Variants in CFAP96 observed in about 807,000 individuals in gnomAD.
CFAP96 encodes the protein cilia and flagella associated protein 96, also known as cilia-and flagella-associated protein 96.
the CFAP96 span, among the ~76,000 whole-genome samples, chr4:185,425,222 T>C: frequency 2.9e-3 from 445 of 152,216 alleles, 3 homozygotes; most frequent in South Asian, 7.3e-3. Flanking sequence ...TGTATGGTGG[T>C]GCCATCTACA....
chr4:185,434,795 G>A, the CFAP96 span, among the ~76,000 whole-genome samples: 1 of 152,080 alleles, frequency 6.6e-6, no homozygotes, highest in Admixed American at 6.5e-5. Context: ...CTGGAGTGCA[G>A]TGGCGCGATC....
At chr4:185,410,806 C>T in the CFAP96 span, among the ~76,000 whole-genome samples, 1 of 151,306 alleles carries the variant, frequency 6.6e-6, no homozygotes, top group Non-Finnish European at 1.5e-5. Context: ...ATGAGCTAGG[C>T]GTGGTAGCAC....
chr4:185,427,716 C>T, the CFAP96 span, among the ~76,000 whole-genome samples: 1 of 150,364 alleles, frequency 6.7e-6, no homozygotes, highest in South Asian at 2.1e-4. Flanking sequence ...GCTGAGATAG[C>T]GCCTCTGCAT....
chr4:185,418,461 CCTT>C, the CFAP96 span: 4 of 1,609,492 alleles, frequency 2.5e-6, no homozygotes, highest in African/African-American at 2.7e-5. Context: ...AACTTTTTGT[CCTT>C]CTTTCTCATG....
the CFAP96 span, chr4:185,431,917 T>C: frequency 3.9e-6 from 5 of 1,282,440 alleles, no homozygotes; most frequent in South Asian, 7.1e-5. Context: ...ATTGTTATCT[T>C]ATTTTTCATG....
At chr4:185,425,216 T>C in the CFAP96 span, among the ~76,000 whole-genome samples, 147 of 152,236 alleles carry the variant, frequency 9.7e-4, 2 homozygotes, top group Middle Eastern at 3.4e-3. Context: ...ACAGGATGTA[T>C]GGTGGTGCCA....
At chr4:185,446,121 G>A in the CFAP96 span, among the ~76,000 whole-genome samples, 130 of 152,256 alleles carry the variant, frequency 8.5e-4, 1 homozygote, top group African/African-American at 3.0e-3. Flanking sequence ...GATTACAGGT[G>A]TGAGCCACTG....
At chr4:185,435,362 G>A in the CFAP96 span, among the ~76,000 whole-genome samples, 2 of 152,128 alleles carry the variant, frequency 1.3e-5, no homozygotes, top group Non-Finnish European at 2.9e-5. Flanking sequence ...CATGTGTCTT[G>A]TAGACCTTTT....
chr4:185,444,528 A>C, the CFAP96 span, among the ~76,000 whole-genome samples: 2 of 152,060 alleles, frequency 1.3e-5, no homozygotes, highest in African/African-American at 4.8e-5. Context: ...TCTTTGTGCT[A>C]TTGCTTATTA....
chr4:185,416,700 C>T, the CFAP96 span, among the ~76,000 whole-genome samples: 1 of 152,132 alleles, frequency 6.6e-6, no homozygotes, highest in Non-Finnish European at 1.5e-5. Flanking sequence ...CATGTTGCAC[C>T]TGGAACATCT....
the CFAP96 span, among the ~76,000 whole-genome samples, chr4:185,419,483 TG>T: frequency 1.3e-5 from 2 of 152,228 alleles, no homozygotes; most frequent in Non-Finnish European, 2.9e-5. Context: ...GTGGGGGTGC[TG>T]GAACACAATA....
the CFAP96 span, among the ~76,000 whole-genome samples, chr4:185,445,897 A>G: frequency 6.6e-6 from 1 of 152,292 alleles, no homozygotes; most frequent in East Asian, 1.9e-4. Context: ...GCTGGGGTAC[A>G]ATGGCGTGAT....
the CFAP96 span, among the ~76,000 whole-genome samples, chr4:185,422,324 T>G: frequency 9.9e-5 from 15 of 152,258 alleles, no homozygotes; most frequent in Non-Finnish European, 2.1e-4. Flanking sequence ...GTGGGTGTGC[T>G]GGAACACAGT....
the CFAP96 span, among the ~76,000 whole-genome samples, chr4:185,430,303 C>A: frequency 6.6e-6 from 1 of 151,972 alleles, no homozygotes; most frequent in Admixed American, 6.6e-5. Flanking sequence ...CATAATAATA[C>A]AAAATAAAAC....
At chr4:185,431,277 G>A in the CFAP96 span, among the ~76,000 whole-genome samples, 1 of 150,610 alleles carries the variant, frequency 6.6e-6, no homozygotes, top group Non-Finnish European at 1.5e-5. Context: ...ATTAAGGATT[G>A]TGTGCACTTC....
the CFAP96 span, among the ~76,000 whole-genome samples, chr4:185,443,340 ATAT>A: frequency 7.0e-4 from 20 of 28,478 alleles, no homozygotes; most frequent in African/African-American, 1.7e-3. Flanking sequence ...ATATATATAT[ATAT>A]TTTTTTTTTT....
At chr4:185,415,184 G>T in the CFAP96 span, 6 of 1,601,978 alleles carry the variant, frequency 3.7e-6, no homozygotes, top group African/African-American at 5.4e-5. Flanking sequence ...TGGCCATCTG[G>T]TATTCCTGAA....
chr4:185,429,994 G>A, the CFAP96 span, among the ~76,000 whole-genome samples: 1 of 152,178 alleles, frequency 6.6e-6, no homozygotes, highest in Non-Finnish European at 1.5e-5. Context: ...TATGAGAATA[G>A]GAATCTCGTT....
chr4:185,421,384 A>G, the CFAP96 span, among the ~76,000 whole-genome samples: 1 of 152,170 alleles, frequency 6.6e-6, no homozygotes, highest in Non-Finnish European at 1.5e-5. Flanking sequence ...CCAATGTTTG[A>G]AGTGGGGCCT....
Sources: allele counts gnomAD v4.1 joint callset (sites outside exome capture counted in the v4.1 genomes callset), GRCh38; gene constraint gnomAD v4.1.1; transcripts MANE v1.5; gene names NCBI Gene and HGNC (gene_info 2026-07-23, HGNC 2026-07-21).